The following PRKAR1A variants were observed in gnomAD, a reference collection of about 807,000 sequenced individuals.
The protein encoded by PRKAR1A is protein kinase cAMP-dependent type I regulatory subunit alpha, also known as cAMP-dependent protein kinase type I-alpha regulatory subunit.
A neutral mutation model predicts 52.0 loss-of-function variants in PRKAR1A; 3 were observed. The observed-to-expected ratio is 0.06, with a 90% CI of 0.03 to 0.15. The LOEUF (loss-of-function observed/expected upper bound fraction) is 0.15, where lower values mean the gene tolerates loss of function less well. Ranked by LOEUF, PRKAR1A falls within the 10% of genes least tolerant of loss-of-function variation. The pLI is 1.00. For missense variants in PRKAR1A, 240 were observed against 477.4 expected, an observed-to-expected ratio of 0.50 and a Z score of 4.63; for synonymous variants, 188 against 168.4, an observed-to-expected ratio of 1.12 and a Z score of -0.90.
the PRKAR1A span, among the ~76,000 whole-genome samples, chr17:68,449,629 C>A: frequency 6.6e-6 from 1 of 152,208 alleles, no homozygotes; most frequent in Non-Finnish European, 1.5e-5. Flanking sequence ...CCACCCGTCT[C>A]TTGGTCCTGC....
At chr17:68,464,690 AAAAAAAAAC>A in the PRKAR1A span, among the ~76,000 whole-genome samples, 3 of 59,180 alleles carry the variant, frequency 5.1e-5, no homozygotes, top group East Asian at 5.3e-4. Context: ...TCTGTCTCAA[AAAAAAAAAC>A]AAAAAAAACA....
rs2085964402 is a variant in PRKAR1A, at chr17:68,531,166, C to G, written c.*717C>G. On this transcript the variant is annotated 3_prime_UTR_variant, in exon 11 of 11. Transcript: ENST00000589228. Reference sequence around the variant, plus strand: ...CTGCCTTTTAAGTTTGAAACTAACTCATAGATTGCAAATATTGGTTAGTAT... The same window carrying G: ...CTGCCTTTTAAGTTTGAAACTAACTGATAGATTGCAAATATTGGTTAGTAT... 9.4e-7 allele frequency: 1 copy of G among 1,065,574 alleles called. No homozygotes were observed. Among genetic ancestry groups the G allele is most frequent in the Non-Finnish European group, 1.1e-6 (1 of 879,066 alleles). The allele number at this position is 1,065,574 out of a possible 1,614,324, so 66.0% of individuals were successfully genotyped here. A position where few individuals can be genotyped will look rare whatever the true frequency, so the allele number is the denominator to read the frequency against.
the PRKAR1A span, among the ~76,000 whole-genome samples, chr17:68,505,754 C>A: frequency 1.6e-4 from 25 of 152,202 alleles, no homozygotes; most frequent in Admixed American, 5.9e-4. Context: ...TGGGAGGTTG[C>A]AGTGAGCTGA....
chr17:68,495,823 T>C, the PRKAR1A span, among the ~76,000 whole-genome samples: 1 of 151,170 alleles, frequency 6.6e-6, no homozygotes, highest in Non-Finnish European at 1.5e-5. Context: ...AGCAAGATGT[T>C]GGCAGGGCTG....
chr17:68,520,542 C>T (rs1450967926), intron 2 of PRKAR1A, among the ~76,000 whole-genome samples: 5 of 151,982 alleles, frequency 3.3e-5, no homozygotes, highest in East Asian at 1.9e-4. Context: ...GTAATGATCA[C>T]GTCAAGGTAT....
chr17:68,436,421 C>T, the PRKAR1A span: 1 of 1,613,904 alleles, frequency 6.2e-7, no homozygotes, highest in Non-Finnish European at 8.5e-7. Flanking sequence ...CCCCTGAAGT[C>T]AGGCTTCCAG....
At chr17:68,494,186 A>T in the PRKAR1A span, among the ~76,000 whole-genome samples, 2 of 152,220 alleles carry the variant, frequency 1.3e-5, no homozygotes, top group Non-Finnish European at 2.9e-5. Context: ...CTTTCCGTTG[A>T]CGGACTGGGT....
At chr17:68,457,612 T>TACCC in the PRKAR1A span, 2 of 348,048 alleles carry the variant, frequency 5.7e-6, no homozygotes, top group Non-Finnish European at 4.5e-6. Flanking sequence ...GTCCCCGGCT[T>TACCC]CGCCCCGCCC....
chr17:68,430,088 A>C, the PRKAR1A span: 1 of 1,614,162 alleles, frequency 6.2e-7, no homozygotes, highest in Non-Finnish European at 8.5e-7. Context: ...ACACCTGGGT[A>C]GGGAGGTAGT....
At chr17:68,445,675 C>T in the PRKAR1A span, among the ~76,000 whole-genome samples, 1 of 152,226 alleles carries the variant, frequency 6.6e-6, no homozygotes, top group Admixed American at 6.5e-5. Flanking sequence ...TAAGTGAAAA[C>T]AGGCCACAGG....
At position 68,518,098 on chromosome 17, in the gene PRKAR1A, G is replaced by A. The variant is rs946880775; in HGVS notation, c.177+2522G>A. Among the ~76,000 whole-genome samples, 25 of 152,340 alleles carry A rather than the reference G, an allele frequency of 1.6e-4. 1 individual carries two copies. Among genetic ancestry groups the A allele is most frequent in the East Asian group, 1.3e-3 (7 of 5,186 alleles). On this transcript the variant is annotated intron_variant, in intron 2 of 10. Coordinates refer to ENST00000589228, the MANE Select transcript of PRKAR1A (RefSeq NM_002734.5). Reference sequence around the variant, plus strand: ...GGCTCCCGTGGCCTTGGGCAGCTCCGCCCCTGTGGCTTTGCAGGGTACAGC... The same window carrying A: ...GGCTCCCGTGGCCTTGGGCAGCTCCACCCCTGTGGCTTTGCAGGGTACAGC...
the PRKAR1A span, among the ~76,000 whole-genome samples, chr17:68,447,665 A>T: frequency 3.3e-5 from 5 of 152,144 alleles, no homozygotes; most frequent in Non-Finnish European, 7.4e-5. Context: ...TGCTGGGACC[A>T]CACTTGGCCC....
upstream of PRKAR1A, among the ~76,000 whole-genome samples, chr17:68,509,024 T>C (rs2085230567): frequency 6.6e-6 from 1 of 152,218 alleles, no homozygotes; most frequent in Non-Finnish European, 1.5e-5. Flanking sequence ...GTTTAGCCAA[T>C]GGAAACTTTA....
chr17:68,477,117 C>T, the PRKAR1A span, among the ~76,000 whole-genome samples: 2 of 152,320 alleles, frequency 1.3e-5, no homozygotes, highest in South Asian at 2.1e-4. Flanking sequence ...CTCTCTTCTT[C>T]AGTCATATAG....
the PRKAR1A span, among the ~76,000 whole-genome samples, chr17:68,423,423 A>G: frequency 6.6e-6 from 1 of 152,122 alleles, no homozygotes; most frequent in Non-Finnish European, 1.5e-5. This position sits in a 1 kb window ranked among gnomAD's most constrained non-coding sequence, Gnocchi z 4.4. Context: ...ATCACCATCT[A>G]CCTGCAGGCT....
chr17:68,453,976 G>A, the PRKAR1A span, among the ~76,000 whole-genome samples: 2 of 152,262 alleles, frequency 1.3e-5, no homozygotes, highest in African/African-American at 2.4e-5. Context: ...GGAGAACTCT[G>A]CTTTCTACTA....
At chr17:68,419,736 G>T in the PRKAR1A span, among the ~76,000 whole-genome samples, 6 of 151,750 alleles carry the variant, frequency 4.0e-5, no homozygotes, top group Admixed American at 6.6e-5. Flanking sequence ...GGGACAGGAG[G>T]ATTGCTTGAG....
chr17:68,494,261 C>T, the PRKAR1A span, among the ~76,000 whole-genome samples: 2 of 151,982 alleles, frequency 1.3e-5, no homozygotes, highest in Admixed American at 1.3e-4. Flanking sequence ...AAATATGGGC[C>T]GAGTGTGGTG....
At chr17:68,490,521 G>C in the PRKAR1A span, among the ~76,000 whole-genome samples, 1 of 152,146 alleles carries the variant, frequency 6.6e-6, no homozygotes, top group Non-Finnish European at 1.5e-5. Flanking sequence ...AGGGAGTGTT[G>C]GGTTCCATGG....
Sources: allele counts gnomAD v4.1 joint callset (sites outside exome capture counted in the v4.1 genomes callset), GRCh38; gene constraint gnomAD v4.1.1; non-coding constraint Gnocchi (gnomAD v3.1); transcripts MANE v1.5; gene names NCBI Gene and HGNC (gene_info 2026-07-23, HGNC 2026-07-21).